Variants in ATP6V1B1 observed in about 807,000 individuals in gnomAD.
The protein encoded by ATP6V1B1 is V-type proton ATPase subunit B, kidney isoform.
A neutral mutation model predicts 62.1 loss-of-function variants in ATP6V1B1; 41 were observed. The observed-to-expected ratio is 0.66, with a 90% CI of 0.51 to 0.86. ATP6V1B1 has a LOEUF of 0.86. Among genes scored for constraint, ATP6V1B1 ranks in the 40% least tolerant of loss-of-function variants. ATP6V1B1 has a pLI of 0.00. For synonymous variants in ATP6V1B1, 253 were observed against 273.4 expected, an observed-to-expected ratio of 0.93 and a Z score of 0.74; for missense variants, 651 against 697.5, an observed-to-expected ratio of 0.93 and a Z score of 0.75.
chr2:70,944,301 C>G, intron 2 of ATP6V1B1: 1 of 1,102,960 alleles, frequency 9.1e-7, no homozygotes, highest in Non-Finnish European at 1.2e-6. Flanking sequence ...AACTGGCAGA[C>G]ACTGACAGTA....
intron 1 of ATP6V1B1, among the ~76,000 whole-genome samples, chr2:70,938,068 C>T (rs774045939): frequency 5.3e-5 from 8 of 152,162 alleles, no homozygotes; most frequent in Non-Finnish European, 1.2e-4. Flanking sequence ...TGCTCCCTGC[C>T]AGCGCCTTTA....
intron 1 of ATP6V1B1, chr2:70,938,639 C>T (rs1679914676): frequency 1.0e-6 from 1 of 985,176 alleles, no homozygotes; most frequent in East Asian, 1.1e-4. Context: ...GTGGAGGCAG[C>T]CTGGGGAGCT....
intron 2 of ATP6V1B1, among the ~76,000 whole-genome samples, chr2:70,951,838 G>A (rs1481967859): frequency 6.6e-6 from 1 of 152,090 alleles, no homozygotes; most frequent in East Asian, 1.9e-4. Flanking sequence ...GGCAGAGGTT[G>A]CAGTGAGCCA....
In ATP6V1B1 at chr2:70,951,505, T is replaced by C. The variant is rs1265622739; in HGVS notation, c.175-6541T>C. On this transcript the variant is annotated intron_variant, in intron 2 of 13. Transcript: ENST00000234396. Reference sequence around the variant, plus strand: ...AGGTATTGCATTTGTCATGTCTGTCTAGCTTCCTATAATCTGGAACATTTT... The same window carrying C: ...AGGTATTGCATTTGTCATGTCTGTCCAGCTTCCTATAATCTGGAACATTTT... 2.6e-5 allele frequency among the ~76,000 whole-genome samples: 4 copies of C among 152,170 alleles called. 1 individual carries two copies. Among genetic ancestry groups the C allele is most frequent in the Admixed American group, 2.6e-4 (4 of 15,278 alleles).
intron 2 of ATP6V1B1, among the ~76,000 whole-genome samples, chr2:70,952,905 T>C (rs1553418518): frequency 6.6e-6 from 1 of 152,206 alleles, no homozygotes; most frequent in Non-Finnish European, 1.5e-5. Flanking sequence ...CTTGCTTTGC[T>C]CCTAATTTTA....
At chr2:70,938,656 G>A in intron 1 of ATP6V1B1, 1 of 985,408 alleles carries the variant, frequency 1.0e-6, no homozygotes, top group Non-Finnish European at 1.2e-6. Context: ...AGCTGACCCT[G>A]CCAACATCTA....
chr2:70,961,754 C>T lies in ATP6V1B1; in HGVS notation c.785+61C>T, dbSNP rs557122988. The T allele has an allele frequency of 6.7e-5, 101 of 1,509,068 alleles. No individual in the cohort carries two copies. In the African/African-American group the frequency reaches 1.3e-3, roughly 19 times the overall value. 93.5% of individuals were successfully genotyped at this position (1,509,068 alleles called of 1,614,324 possible). On this transcript the variant is annotated intron_variant, in intron 8 of 13. Transcript: ENST00000234396. ...GGGCAGACCCCGTCCCCTTCCAAGA[C>T]CTACAGTACCAGGGCTCCAGGGCAT...
intron 2 of ATP6V1B1, among the ~76,000 whole-genome samples, chr2:70,957,087 CTT>C (rs56407020): frequency 0.011 from 1,389 of 125,056 alleles, 23 homozygotes; most frequent in East Asian, 0.047. Context: ...AGTTCTTCTT[CTT>C]TTTTTTTTTT....
At chr2:70,964,410 C>G in intron 11 of ATP6V1B1, 28 bp from the exon 12 acceptor site, 1 of 1,609,484 alleles carries the variant, frequency 6.2e-7, no homozygotes, top group Non-Finnish European at 8.5e-7. Context: ...GTCCTGCTGT[C>G]CACCACTCCC....
chr2:70,958,188 T>G, intron 3 of ATP6V1B1, 44 bp downstream of exon 3: 1 of 1,602,770 alleles, frequency 6.2e-7, no homozygotes, highest in Non-Finnish European at 8.5e-7. Flanking sequence ...ATCAATGAAT[T>G]AACCCATAAA....
Position 70,962,758 on chromosome 2 carries a change from C to CTT in ATP6V1B1, c.786-19_786-18insTT. The CTT allele has an allele frequency of 4.3e-6, 7 of 1,613,114 alleles. No homozygotes were observed. The highest frequency in any genetic ancestry group is 5.9e-6 in the Non-Finnish European group (7 of 1,179,954). ...AGCCCAGGCCTCCAGGCTCTCTAAA[C>CTT]ACCTGGCTACACCTCCAGGATCGAG... On this transcript the variant is annotated intron_variant, in intron 8 of 13. Transcript: ENST00000234396.
Position 70,959,772 on chromosome 2 carries a change from A to G in ATP6V1B1, c.446-167A>G, listed in dbSNP as rs1204780852. On this transcript the variant is annotated intron_variant, in intron 5 of 13. Coordinates refer to ENST00000234396, the MANE Select transcript of ATP6V1B1 (RefSeq NM_001692.4). This position sits in a 1 kb window ranked among gnomAD's most constrained non-coding sequence, Gnocchi z 4.2. Reference sequence around the variant, plus strand: ...TTCAGAGTCACACGTCATGTGCTCAATAGCCATTTGTATCTAGGGCTACAT... The same window carrying G: ...TTCAGAGTCACACGTCATGTGCTCAGTAGCCATTTGTATCTAGGGCTACAT... Among the ~76,000 whole-genome samples the G allele has an allele frequency of 6.6e-6, 1 of 152,278 alleles. No homozygotes were observed. Among genetic ancestry groups the G allele is most frequent in the Non-Finnish European group, 1.5e-5 (1 of 68,050 alleles).
At position 70,945,699 on chromosome 2, in the gene ATP6V1B1, G is replaced by GATATATATAT. The variant is rs1450719874; in HGVS notation, c.174+1987_174+1988insTATATATATA. On this transcript the variant is annotated intron_variant, in intron 2 of 13. Transcript: ENST00000234396. ...AGTATCCTCTTTCTGGCTATTTGAAGAGATATATATATATATATATATATA... is the reference window on the plus strand; with the variant it reads ...AGTATCCTCTTTCTGGCTATTTGAAGATATATATATAGATATATATATATATATATATATA... Among the ~76,000 whole-genome samples, 528 of 70,008 alleles carry GATATATATAT rather than the reference G, an allele frequency of 7.5e-3. 81 individuals carry two copies. Among genetic ancestry groups the GATATATATAT allele is most frequent in the Middle Eastern group, 0.019 (2 of 104 alleles). 45.9% of individuals were successfully genotyped at this position (70,008 alleles called of 152,430 possible).
In ATP6V1B1 at chr2:70,940,725, G is replaced by A. The variant is rs183544731; in HGVS notation, c.119-2933G>A. 253 of 985,368 alleles carry A rather than the reference G, an allele frequency of 2.6e-4. No individual in the cohort carries two copies. The African/African-American group carries it at 4.0e-3, about 16-fold the overall frequency. 61.0% of individuals were successfully genotyped at this position (985,368 alleles called of 1,614,324 possible). ...CTCAGGAAGTATGGCTGGTGCTAGG[G>A]GTGCAACCCTTTAGGCTGGTCAATG... On this transcript the variant is annotated intron_variant, in intron 1 of 13. Coordinates refer to ENST00000234396, the MANE Select transcript of ATP6V1B1 (RefSeq NM_001692.4).
intron 2 of ATP6V1B1, among the ~76,000 whole-genome samples, chr2:70,954,974 G>A (rs1326149369): frequency 6.6e-6 from 1 of 152,188 alleles, no homozygotes; most frequent in East Asian, 1.9e-4. Context: ...GGGATGGTGT[G>A]CTCTGCTAGC....
In ATP6V1B1 at chr2:70,936,011, AG is replaced by A; in HGVS notation, c.59del (p.Gly20ValfsTer28). The A allele has an allele frequency of 6.2e-7, 1 of 1,613,978 alleles. No homozygotes were observed. Among genetic ancestry groups the A allele is most frequent in the Non-Finnish European group, 8.5e-7 (1 of 1,179,924 alleles). On this transcript the variant is annotated frameshift_variant, in exon 1 of 14. Transcript: ENST00000234396. LOFTEE classifies it high-confidence loss of function. The stretch of plus-strand genomic sequence containing the variant: ...GGCTCCCCGGCAGTAGCTGCAACCT[AG>A]GTGCAGCCCGAGAACACATGCAGGC... ...GGLPGSSCNL[G>X]AAREHMQAVT...
chr2:70,938,418 T>A, intron 1 of ATP6V1B1: 1 of 432,052 alleles, frequency 2.3e-6, no homozygotes, highest in Non-Finnish European at 3.1e-6. Flanking sequence ...CTGTAAGCAC[T>A]CCCAGACAGG....
intron 1 of ATP6V1B1, among the ~76,000 whole-genome samples, chr2:70,937,919 G>A (rs1285967404): frequency 6.6e-6 from 1 of 152,108 alleles, no homozygotes; most frequent in Admixed American, 6.5e-5. Flanking sequence ...CCCAGGGATG[G>A]CTGTGCCCGC....
At chr2:70,942,017 A>T (rs140255045) in intron 1 of ATP6V1B1, 29,550 of 1,073,232 alleles carry the variant, frequency 0.028, 444 homozygotes, top group Non-Finnish European at 0.031. Flanking sequence ...AAGGACTGGG[A>T]CTGAGCGAGG....
Sources: allele counts gnomAD v4.1 joint callset (sites outside exome capture counted in the v4.1 genomes callset), GRCh38; gene constraint gnomAD v4.1.1; non-coding constraint Gnocchi (gnomAD v3.1); transcripts MANE v1.5; gene names NCBI Gene and HGNC (gene_info 2026-07-23, HGNC 2026-07-21).